Variants in KCNQ1OT1 observed in about 807,000 individuals in gnomAD.
The protein encoded by KCNQ1OT1 is KCNQ1 opposite strand/antisense transcript 1.
At chr11:2,615,133 G>T (rs1849040483) in exon 1 of KCNQ1OT1, 1 of 397,986 alleles carries the variant, frequency 2.5e-6, no homozygotes, top group Non-Finnish European at 4.4e-6. Context: ...TTTATTCCTA[G>T]CTATTTTACT....
chr11:2,680,837 C>T (rs1166192626), exon 1 of KCNQ1OT1: 6 of 397,918 alleles, frequency 1.5e-5, no homozygotes, highest in Non-Finnish European at 2.2e-5. Context: ...TTTTTGGGAT[C>T]GGCTCTTTTC....
exon 1 of KCNQ1OT1, chr11:2,693,418 C>T (rs1280179665): frequency 5.0e-6 from 2 of 398,580 alleles, no homozygotes; most frequent in African/African-American, 2.1e-5. Context: ...TGGGAATAAG[C>T]TTGTTTTGCC....
Position 2,626,041 on chromosome 11 carries a change from A to T in KCNQ1OT1, n.73954T>A, listed in dbSNP as rs1371308444. ...TTTAATGCACACAATGTAAATTTTT[A>T]AAATTTATCTAGTTTTACTTTTATT... On this transcript the variant is annotated non_coding_transcript_exon_variant, in exon 1 of 1. Coordinates refer to ENST00000597346, the Ensembl canonical transcript of KCNQ1OT1. This position sits in a 1 kb window ranked among gnomAD's most constrained non-coding sequence, Gnocchi z 4.0. 1 of 398,516 alleles carries T rather than the reference A, an allele frequency of 2.5e-6. No homozygotes were observed. Among genetic ancestry groups the T allele is most frequent in the African/African-American group, 2.1e-5 (1 of 48,638 alleles). 24.7% of individuals were successfully genotyped at this position (398,516 alleles called of 1,614,324 possible). A position where few individuals can be genotyped will look rare whatever the true frequency, so the allele number is the denominator to read the frequency against.
chr11:2,676,148 A>G lies in KCNQ1OT1; in HGVS notation n.23847T>C, dbSNP rs1850290241. On this transcript the variant is annotated non_coding_transcript_exon_variant, in exon 1 of 1. Coordinates refer to ENST00000597346, the Ensembl canonical transcript of KCNQ1OT1. The surrounding 1 kb of genome is among the most constrained non-coding windows in gnomAD (Gnocchi z 4.2). ...TTTTATACAAATGGTAGCATACTGT[A>G]TGTATTTTTCTACACTTTGCCTTTG... The G allele has an allele frequency of 2.5e-6, 1 of 398,516 alleles. No individual in the cohort carries two copies. The highest frequency in any genetic ancestry group is 4.4e-6 in the Non-Finnish European group (1 of 226,072). 24.7% of individuals were successfully genotyped at this position (398,516 alleles called of 1,614,324 possible).
Position 2,613,523 on chromosome 11 carries a change from G to A in KCNQ1OT1, n.86472C>T, listed in dbSNP as rs1479849819. The A allele has an allele frequency of 1.3e-5, 5 of 398,354 alleles. No homozygotes were observed. Among genetic ancestry groups the A allele is most frequent in the Non-Finnish European group, 2.2e-5 (5 of 226,046 alleles). 24.7% of individuals were successfully genotyped at this position (398,354 alleles called of 1,614,324 possible). ...CCTGAGCTTGGGTGGGGAGATGGCA[G>A]CCCCACGTTAAATCATAACCCTGCT... On this transcript the variant is annotated non_coding_transcript_exon_variant, in exon 1 of 1. Coordinates refer to ENST00000597346, the Ensembl canonical transcript of KCNQ1OT1. The surrounding 1 kb of genome is among the most constrained non-coding windows in gnomAD (Gnocchi z 4.8).
rs1388565763 is a variant in KCNQ1OT1 at position 2,620,908 on chromosome 11, A to G, written n.79087T>C. 5.1e-6 allele frequency: 2 copies of G among 391,984 alleles called. No homozygotes were observed. The highest frequency in any genetic ancestry group is 8.9e-6 in the Non-Finnish European group (2 of 224,464). The allele number at this position is 391,984 out of a possible 1,614,324, so 24.3% of individuals were successfully genotyped here. ...TCTGACTGGTGTGAGATGGCATCCC[A>G]TTATGGTTTGGTGTTTTTTTGTTGT... On this transcript the variant is annotated non_coding_transcript_exon_variant, in exon 1 of 1. Coordinates refer to ENST00000597346, the Ensembl canonical transcript of KCNQ1OT1. This position sits in a 1 kb window ranked among gnomAD's most constrained non-coding sequence, Gnocchi z 4.5.
exon 1 of KCNQ1OT1, chr11:2,681,321 C>G: frequency 2.5e-6 from 1 of 398,526 alleles, no homozygotes; most frequent in Non-Finnish European, 4.4e-6. Context: ...CTCTGTCTCT[C>G]TCCAACTGTG....
Position 2,612,998 on chromosome 11 carries a change from G to T in KCNQ1OT1, n.86997C>A, listed in dbSNP as rs1589981520. 2.5e-6 allele frequency: 1 copy of T among 398,520 alleles called. No individual in the cohort carries two copies. The highest frequency in any genetic ancestry group is 4.4e-6 in the Non-Finnish European group (1 of 226,076). 24.7% of individuals were successfully genotyped at this position (398,520 alleles called of 1,614,324 possible). A position where few individuals can be genotyped will look rare whatever the true frequency, so the allele number is the denominator to read the frequency against. On this transcript the variant is annotated non_coding_transcript_exon_variant, in exon 1 of 1. Coordinates refer to ENST00000597346, the Ensembl canonical transcript of KCNQ1OT1. This position sits in a 1 kb window ranked among gnomAD's most constrained non-coding sequence, Gnocchi z 5.5. ...GCCACTGGTGTCTTTGCTCAGTTTT[G>T]TTTGTTTTAATTCTTATGTTTGTTT...
At chr11:2,628,727 G>A in exon 1 of KCNQ1OT1, 1 of 398,350 alleles carries the variant, frequency 2.5e-6, no homozygotes, top group Non-Finnish European at 4.4e-6. Context: ...ATGGCAAGGA[G>A]CTTTTCCCTG....
In KCNQ1OT1 at chr11:2,676,058, A is replaced by G; in HGVS notation, n.23937T>C. On this transcript the variant is annotated non_coding_transcript_exon_variant, in exon 1 of 1. Transcript: ENST00000597346. The surrounding 1 kb of genome is among the most constrained non-coding windows in gnomAD (Gnocchi z 4.2). ...ACACTTTCCTATTGCATCTTTCCAG[A>G]CGTATTTTATATAAACAAATATACG... 2.5e-6 allele frequency: 1 copy of G among 398,568 alleles called. No individual in the cohort carries two copies. Among genetic ancestry groups the G allele is most frequent in the Non-Finnish European group, 4.4e-6 (1 of 226,042 alleles). 24.7% of individuals were successfully genotyped at this position (398,568 alleles called of 1,614,324 possible).
chr11:2,675,234 A>T (rs903835695), exon 1 of KCNQ1OT1: 2 of 398,528 alleles, frequency 5.0e-6, no homozygotes, highest in African/African-American at 4.1e-5. Flanking sequence ...GGGCCAAACC[A>T]GCTCCCAAGC....
exon 1 of KCNQ1OT1, chr11:2,636,538 C>G (rs1433522262): frequency 6.6e-6 from 1 of 152,184 alleles, no homozygotes; most frequent in Admixed American, 6.5e-5. Flanking sequence ...ATGAAGCCCA[C>G]TTGATCATGG....
rs1590012424 is a variant in KCNQ1OT1 at position 2,659,212 on chromosome 11, A to G, written n.40783T>C. ...GTGTCCACAATCCAGTATCATTCAC[A>G]GAAGTTCCATACCCCTAAAAATACC... is the stretch of plus-strand genomic sequence containing the variant. On this transcript the variant is annotated non_coding_transcript_exon_variant, in exon 1 of 1. Coordinates refer to ENST00000597346, the Ensembl canonical transcript of KCNQ1OT1. The surrounding 1 kb of genome is among the most constrained non-coding windows in gnomAD (Gnocchi z 4.3). 1 of 398,656 alleles carries G rather than the reference A, an allele frequency of 2.5e-6. No homozygotes were observed. The highest frequency in any genetic ancestry group is 3.6e-5 in the East Asian group (1 of 28,076). 24.7% of individuals were successfully genotyped at this position (398,656 alleles called of 1,614,324 possible). A position where few individuals can be genotyped will look rare whatever the true frequency, so the allele number is the denominator to read the frequency against.
exon 1 of KCNQ1OT1, chr11:2,641,832 CG>C (rs890075301): frequency 2.5e-6 from 1 of 398,134 alleles, no homozygotes; most frequent in African/African-American, 2.1e-5. Context: ...GAGATAGAAA[CG>C]GTTTCATTTT....
chr11:2,657,829 G>C lies in KCNQ1OT1; in HGVS notation n.42166C>G. 1 of 398,582 alleles carries C rather than the reference G, an allele frequency of 2.5e-6. No homozygotes were observed. The allele number at this position is 398,582 out of a possible 1,614,324, so 24.7% of individuals were successfully genotyped here. ...TTGTCCCTCAGTTTGGATTTGTCTG[G>C]TGTTTTCTCAGGACTAGACCAGGGT... is the stretch of plus-strand genomic sequence containing the variant. On this transcript the variant is annotated non_coding_transcript_exon_variant, in exon 1 of 1. Transcript: ENST00000597346. The surrounding 1 kb of genome is among the most constrained non-coding windows in gnomAD (Gnocchi z 4.8).
rs912509450 is a variant in KCNQ1OT1 at position 2,692,275 on chromosome 11, A to G, written n.7720T>C. On this transcript the variant is annotated non_coding_transcript_exon_variant, in exon 1 of 1. Coordinates refer to ENST00000597346, the Ensembl canonical transcript of KCNQ1OT1. ...CAAGCCAGGCTTACTTCACCCATCC[A>G]TAGTTCTAGAGGTTCCCTGCTTCCC... is the stretch of plus-strand genomic sequence containing the variant. 22 of 398,760 alleles carry G rather than the reference A, an allele frequency of 5.5e-5. No individual in the cohort carries two copies. The highest frequency in any genetic ancestry group is 8.4e-5 in the Non-Finnish European group (19 of 226,294). The allele number at this position is 398,760 out of a possible 1,614,324, so 24.7% of individuals were successfully genotyped here. A position where few individuals can be genotyped will look rare whatever the true frequency, so the allele number is the denominator to read the frequency against.
chr11:2,670,150 T>C lies in KCNQ1OT1; in HGVS notation n.29845A>G. 1 of 398,666 alleles carries C rather than the reference T, an allele frequency of 2.5e-6. No individual in the cohort carries two copies. The highest frequency in any genetic ancestry group is 4.4e-6 in the Non-Finnish European group (1 of 226,102). The allele number at this position is 398,666 out of a possible 1,614,324, so 24.7% of individuals were successfully genotyped here. On this transcript the variant is annotated non_coding_transcript_exon_variant, in exon 1 of 1. Coordinates refer to ENST00000597346, the Ensembl canonical transcript of KCNQ1OT1. This position sits in a 1 kb window ranked among gnomAD's most constrained non-coding sequence, Gnocchi z 4.9. ...TGCATCTGTCATTTGTTCTTATCAC[T>C]GTCGGGCCCATCTGCCAAGGCAAGC...
chr11:2,640,483 G>A (rs1849555969), exon 1 of KCNQ1OT1: 1 of 398,120 alleles, frequency 2.5e-6, no homozygotes, highest in Non-Finnish European at 4.4e-6. Flanking sequence ...ACAGGGTCGT[G>A]CATTGTTGCC....
rs1383035176 is a variant in KCNQ1OT1 at position 2,620,211 on chromosome 11, A to ATATATTT, written n.79783_79784insAAATATA. ...TAAGTTCATTCATGTATATATATATATTTTTTTTTTTTATTTTTTTTTTAG... is the reference window on the plus strand; with the variant it reads ...TAAGTTCATTCATGTATATATATATATATATTTTTTTTTTTTTTTATTTTTTTTTTAG... On this transcript the variant is annotated non_coding_transcript_exon_variant, in exon 1 of 1. Transcript: ENST00000597346. This position sits in a 1 kb window ranked among gnomAD's most constrained non-coding sequence, Gnocchi z 4.5. 3.1e-4 allele frequency: 80 copies of ATATATTT among 261,994 alleles called. 1 individual carries two copies. Among genetic ancestry groups the ATATATTT allele is most frequent in the African/African-American group, 1.9e-3 (74 of 38,114 alleles). 16.2% of individuals were successfully genotyped at this position (261,994 alleles called of 1,614,324 possible). A position where few individuals can be genotyped will look rare whatever the true frequency, so the allele number is the denominator to read the frequency against.
Sources: allele counts gnomAD v4.1 joint callset, GRCh38; gene constraint gnomAD v4.1.1; non-coding constraint Gnocchi (gnomAD v3.1); transcripts MANE v1.5; gene names NCBI Gene and HGNC (gene_info 2026-07-23, HGNC 2026-07-21).